The following ARL8B variants were observed in gnomAD, a reference collection of about 807,000 sequenced individuals.
ARL8B encodes the protein ARF like GTPase 8B, also known as ADP-ribosylation factor-like protein 8B.
In ARL8B, 9 loss-of-function variants were observed where a neutral mutation model predicts 30.6. The observed-to-expected ratio is 0.29, with a 90% CI of 0.18 to 0.51. The LOEUF (loss-of-function observed/expected upper bound fraction) is 0.51. ARL8B is among the 20% of genes least tolerant of loss of function. ARL8B has a pLI of 0.97. For synonymous variants in ARL8B, 74 were observed against 76.0 expected, an observed-to-expected ratio of 0.97 and a Z score of 0.14; for missense variants, 130 against 227.2, an observed-to-expected ratio of 0.57 and a Z score of 2.75.
intron 1 of ARL8B, among the ~76,000 whole-genome samples, chr3:5,165,604 C>T (rs1374973788): frequency 2.0e-5 from 3 of 151,996 alleles, no homozygotes; most frequent in South Asian, 2.1e-4. Flanking sequence ...TGTCATGCTC[C>T]ATATTTCATT....
intron 1 of ARL8B, among the ~76,000 whole-genome samples, chr3:5,144,962 A>G (rs2054405874): frequency 6.6e-6 from 1 of 152,214 alleles, no homozygotes; most frequent in Non-Finnish European, 1.5e-5. Flanking sequence ...TTGGCCTTCA[A>G]GGAGCTTTAG....
At chr3:5,160,962 A>C (rs1180717162) in intron 1 of ARL8B, among the ~76,000 whole-genome samples, 1 of 152,202 alleles carries the variant, frequency 6.6e-6, no homozygotes, top group Non-Finnish European at 1.5e-5. Context: ...TCTGTCCTCC[A>C]GGGTAGAGTG....
At chr3:5,171,989 A>G (rs1422114285) in intron 2 of ARL8B, among the ~76,000 whole-genome samples, 161 bp from the exon 3 acceptor site, 4 of 152,244 alleles carry the variant, frequency 2.6e-5, no homozygotes, top group South Asian at 2.1e-4. Flanking sequence ...AAGAATTCCC[A>G]TATTAAGAGC....
intron 1 of ARL8B, among the ~76,000 whole-genome samples, chr3:5,168,867 T>A (rs1339605937): frequency 6.6e-6 from 1 of 152,192 alleles, no homozygotes; most frequent in Non-Finnish European, 1.5e-5. Flanking sequence ...TGCCTCTTCA[T>A]TATGTAAAAC....
Position 5,122,304 on chromosome 3 carries a change from C to G in ARL8B, c.-162C>G, listed in dbSNP as rs774613791. On this transcript the variant is annotated 5_prime_UTR_variant, in exon 1 of 7. Transcript: ENST00000256496. ...GGTAGGGCGAGTCATATGATCCGCT[C>G]GGCTTCCTGGGTCTGGCTGCTGCCG... The G allele has an allele frequency of 1.3e-6, 2 of 1,509,002 alleles. No homozygotes were observed. The highest frequency in any genetic ancestry group is 2.4e-5 in the South Asian group (2 of 81,664). The allele number at this position is 1,509,002 out of a possible 1,614,324, so 93.5% of individuals were successfully genotyped here.
intron 1 of ARL8B, among the ~76,000 whole-genome samples, chr3:5,136,461 C>G (rs1193299325): frequency 2.0e-5 from 3 of 152,130 alleles, no homozygotes; most frequent in Admixed American, 1.3e-4. Context: ...CCTGATAAAT[C>G]TAATTCTTCC....
chr3:5,129,224 G>T (rs1470929618), intron 1 of ARL8B, among the ~76,000 whole-genome samples: 1 of 151,946 alleles, frequency 6.6e-6, no homozygotes, highest in African/African-American at 2.4e-5. Flanking sequence ...GCCCAGGCTG[G>T]AGTGCAGTGG....
At chr3:5,123,868 GTAT>G (rs1181320243) in intron 1 of ARL8B, among the ~76,000 whole-genome samples, 1 of 152,072 alleles carries the variant, frequency 6.6e-6, no homozygotes, top group Non-Finnish European at 1.5e-5. Context: ...TTTTCTAGTA[GTAT>G]TATTATTAAT....
At chr3:5,146,567 T>A (rs1452547506) in intron 1 of ARL8B, among the ~76,000 whole-genome samples, 1 of 152,214 alleles carries the variant, frequency 6.6e-6, no homozygotes, top group Non-Finnish European at 1.5e-5. Flanking sequence ...CCTCTGCTGT[T>A]GCCTTTTTCT....
chr3:5,166,982 A>C (rs1050399698), intron 1 of ARL8B, among the ~76,000 whole-genome samples: 4 of 152,222 alleles, frequency 2.6e-5, no homozygotes, highest in African/African-American at 9.7e-5. Context: ...TTAGGGCTGG[A>C]AGTGACTGGA....
chr3:5,157,780 A>C (rs141422614), intron 1 of ARL8B: 1 of 152,106 alleles, frequency 6.6e-6, no homozygotes, highest in Admixed American at 6.6e-5. Flanking sequence ...AGAAAGAGAA[A>C]TCTCCTCTTG....
At chr3:5,142,601 CAT>C (rs2054384115) in intron 1 of ARL8B, among the ~76,000 whole-genome samples, 1 of 152,208 alleles carries the variant, frequency 6.6e-6, no homozygotes, top group Non-Finnish European at 1.5e-5. Flanking sequence ...CAGGCGTTTA[CAT>C]CCCTGCACCC....
chr3:5,174,555 G>T, intron 6 of ARL8B, 141 bp downstream of exon 6: 1 of 579,552 alleles, frequency 1.7e-6, no homozygotes, highest in South Asian at 2.2e-5. Flanking sequence ...AAAAAGAATA[G>T]ACATACCTTT....
chr3:5,162,390 T>G (rs1275722924), intron 1 of ARL8B, among the ~76,000 whole-genome samples: 1 of 152,248 alleles, frequency 6.6e-6, no homozygotes, highest in Non-Finnish European at 1.5e-5. Context: ...GCCTTTATCT[T>G]TCTGGCTAGT....
At chr3:5,126,185 A>G (rs1340105775) in intron 1 of ARL8B, among the ~76,000 whole-genome samples, 1 of 151,824 alleles carries the variant, frequency 6.6e-6, no homozygotes, top group African/African-American at 2.4e-5. Flanking sequence ...TTGAGGATGT[A>G]GTGATTAAAA....
At chr3:5,178,434 A>G (rs1575577523) in intron 6 of ARL8B, among the ~76,000 whole-genome samples, 1 of 148,092 alleles carries the variant, frequency 6.8e-6, no homozygotes, top group Admixed American at 6.9e-5. Context: ...AAAAGGTGGC[A>G]CCAGCCGTCC....
At chr3:5,148,159 T>G (rs1239132188) in intron 1 of ARL8B, among the ~76,000 whole-genome samples, 6 of 152,046 alleles carry the variant, frequency 3.9e-5, no homozygotes, top group Non-Finnish European at 8.8e-5. Context: ...TCAGCCCAGG[T>G]GTAAAAGCTG....
intron 1 of ARL8B, among the ~76,000 whole-genome samples, chr3:5,138,651 G>A (rs1273077783): frequency 2.6e-5 from 4 of 152,022 alleles, no homozygotes; most frequent in South Asian, 2.1e-4. Flanking sequence ...TTCTTACTGC[G>A]CTTACTGCAC....
chr3:5,162,868 T>C (rs1424261552), intron 1 of ARL8B, among the ~76,000 whole-genome samples: 2 of 152,138 alleles, frequency 1.3e-5, no homozygotes, highest in African/African-American at 4.8e-5. Flanking sequence ...GTCACCCAAA[T>C]AGTGAGCACA....
Sources: allele counts gnomAD v4.1 joint callset (sites outside exome capture counted in the v4.1 genomes callset), GRCh38; gene constraint gnomAD v4.1.1; transcripts MANE v1.5; gene names NCBI Gene and HGNC (gene_info 2026-07-23, HGNC 2026-07-21).